Variants in PRDM9 observed in about 807,000 individuals in gnomAD.
The protein encoded by PRDM9 is histone-lysine N-methyltransferase PRDM9.
PRDM9 carries 47 observed loss-of-function variants against 55.6 expected under a neutral mutation model. That is an observed-to-expected ratio of 0.85 (90% confidence interval 0.67 to 1.08). The LOEUF is 1.08. Ranked by LOEUF, PRDM9 falls within the 50% of genes least tolerant of loss-of-function variation. The probability of loss-of-function intolerance (pLI) is 0.00; values close to 1 mark genes in which losing one functional copy is unlikely to be tolerated. For missense variants in PRDM9, 867 were observed against 1,040.3 expected, an observed-to-expected ratio of 0.83 and a Z score of 2.29; for synonymous variants, 312 against 375.7, an observed-to-expected ratio of 0.83 and a Z score of 1.96.
intron 5 of PRDM9, among the ~76,000 whole-genome samples, chr5:23,520,007 G>A (rs1739294875): frequency 6.7e-6 from 1 of 150,348 alleles, no homozygotes; most frequent in African/African-American, 2.5e-5. Flanking sequence ...TCGTGCCACT[G>A]CACTCCAGCT....
intron 8 of PRDM9, among the ~76,000 whole-genome samples, 162 bp downstream of exon 8, chr5:23,523,047 C>T (rs756497740): frequency 2.6e-5 from 4 of 152,178 alleles, no homozygotes; most frequent in Non-Finnish European, 5.9e-5. Flanking sequence ...ATTTAGAGAT[C>T]AGAGGTTACA....
Position 23,527,852 on chromosome 5 carries a change from G to A in PRDM9, c.*79G>A. On this transcript the variant is annotated 3_prime_UTR_variant, in exon 11 of 11. Transcript: ENST00000296682. ...CCACACACTTGCACACCCCAGCTGT[G>A]AGGTGGCTTCAGCGGAAGTCTGCTG... 1 of 1,577,376 alleles carries A rather than the reference G, an allele frequency of 6.3e-7. No homozygotes were observed. Among genetic ancestry groups the A allele is most frequent in the Non-Finnish European group, 8.7e-7 (1 of 1,151,886 alleles).
chr5:23,520,912 A>G, intron 5 of PRDM9, 111 bp from the exon 6 acceptor site: 2 of 1,276,072 alleles, frequency 1.6e-6, no homozygotes, highest in South Asian at 1.3e-5. Flanking sequence ...CACTCTAGGT[A>G]TTTTCAAGGT....
chr5:23,517,836 G>T, intron 4 of PRDM9, 45 bp from the exon 5 acceptor site: 1 of 1,491,660 alleles, frequency 6.7e-7, no homozygotes, highest in Non-Finnish European at 9.4e-7. Context: ...TCTAGTGTTT[G>T]GAAACATTTA....
chr5:23,526,812 C>T lies in PRDM9; in HGVS notation c.1724C>T (p.Thr575Ile), dbSNP rs201629347. 5.5e-5 allele frequency: 87 copies of T among 1,591,468 alleles called. No individual in the cohort carries two copies. The highest frequency in any genetic ancestry group is 3.3e-4 in the Middle Eastern group (2 of 5,982). Reference sequence around the variant, plus strand: ...CTCCTCATTCACCAGAGGATACACACAGGGGAGAAGCCCTATGTCTGCAGG... The same window carrying T: ...CTCCTCATTCACCAGAGGATACACATAGGGGAGAAGCCCTATGTCTGCAGG... ...SHLLIHQRIH[T>I]GEKPYVCREC... The change falls in exon 11 of 11, where the codon ACA becomes ATA. Residue 575 changes from threonine to isoleucine, a missense_variant. Around this residue, in one of 5 missense-constraint regions of PRDM9, gnomAD observed 662 missense variants for 711.9 expected, o/e 0.93. Coordinates refer to ENST00000296682, the MANE Select transcript of PRDM9 (RefSeq NM_020227.4).
chr5:23,523,207 A>C (rs145702972), intron 8 of PRDM9, 84 bp from the exon 9 acceptor site: 60 of 1,480,890 alleles, frequency 4.1e-5, no homozygotes, highest in Middle Eastern at 1.7e-4. Context: ...TGCAGGCCCA[A>C]AGGCCATTGA....
chr5:23,517,036 C>T (rs1739225034), intron 4 of PRDM9, among the ~76,000 whole-genome samples: 1 of 149,056 alleles, frequency 6.7e-6, no homozygotes, highest in Admixed American at 6.7e-5. Flanking sequence ...GCCTGTAGTC[C>T]CAGCTACTCA....
At chr5:23,522,435 C>T in intron 7 of PRDM9, 30 bp downstream of exon 7, 1 of 1,595,782 alleles carries the variant, frequency 6.3e-7, no homozygotes, top group Non-Finnish European at 8.6e-7. Flanking sequence ...ACTCACACAG[C>T]TTGCTGTTAT....
chr5:23,511,906 T>C (rs1739106433), intron 4 of PRDM9, among the ~76,000 whole-genome samples: 1 of 152,066 alleles, frequency 6.6e-6, no homozygotes, highest in Non-Finnish European at 1.5e-5. Context: ...TTGGACTGAA[T>C]GGTGATGGAT....
At chr5:23,517,416 A>G (rs1739236023) in intron 4 of PRDM9, among the ~76,000 whole-genome samples, 1 of 152,162 alleles carries the variant, frequency 6.6e-6, no homozygotes, top group Non-Finnish European at 1.5e-5. Context: ...TACTTCAGAA[A>G]ACATTTCCAA....
chr5:23,520,946 A>T (rs1388869795), intron 5 of PRDM9, 77 bp from the exon 6 acceptor site: 1 of 1,506,860 alleles, frequency 6.6e-7, no homozygotes, highest in Non-Finnish European at 9.2e-7. Flanking sequence ...AGAGTCATGC[A>T]TATGAAAACA....
Position 23,522,835 on chromosome 5 carries a change from G to A in PRDM9, c.832G>A (p.Gly278Ser). ...GGGTCTGCACTTTGGCCCTTATGAG[G>A]GCCGAATTACAGAAGACGAAGAGGC... is the stretch of plus-strand genomic sequence containing the variant. ...PLGLHFGPYEGRITEDEEAAN... is the reference protein window; with the variant it reads ...PLGLHFGPYESRITEDEEAAN... Residue 278 changes from glycine (G) to serine (S), a missense_variant, in exon 8 of 11, where the codon GGC becomes AGC. By Grantham distance (56) the Gly-to-Ser change is moderately conservative. Transcript: ENST00000296682. 1 of 1,614,218 alleles carries A rather than the reference G, an allele frequency of 6.2e-7. No homozygotes were observed. The highest frequency in any genetic ancestry group is 8.5e-7 in the Non-Finnish European group (1 of 1,180,042).
intron 5 of PRDM9, among the ~76,000 whole-genome samples, chr5:23,518,733 A>G (rs771333757): frequency 1.8e-4 from 27 of 152,252 alleles, no homozygotes; most frequent in Non-Finnish European, 3.7e-4. Flanking sequence ...TCTCATTCCT[A>G]CAGAAGGCAG....
At chr5:23,518,473 AT>A (rs1258444910) in intron 5 of PRDM9, among the ~76,000 whole-genome samples, 3 of 152,142 alleles carry the variant, frequency 2.0e-5, no homozygotes. Context: ...GTAAAGTGAG[AT>A]TTGCACTGAA....
At position 23,526,438 on chromosome 5, in the gene PRDM9, A is replaced by C. The variant is rs1739431503; in HGVS notation, c.1350A>C (p.Lys450Asn). The change falls in exon 11 of 11, where the codon AAA becomes AAC. Residue 450 changes from lysine (K) to asparagine (N), a missense_variant. By Grantham distance (94) the Lys-to-Asn change is moderately conservative. Coordinates refer to ENST00000296682, the MANE Select transcript of PRDM9 (RefSeq NM_020227.4). ...CAGATCCACACAGCCGTAATGACAA[A>C]ACCAAAGGTCAAGAGATCAAAGAAA... ...QYPDPHSRNDKTKGQEIKERS... is the reference protein window; with the variant it reads ...QYPDPHSRNDNTKGQEIKERS... 2.5e-6 allele frequency: 4 copies of C among 1,614,200 alleles called. No individual in the cohort carries two copies. The highest frequency in any genetic ancestry group is 3.4e-6 in the Non-Finnish European group (4 of 1,180,038).
rs184600328 is a variant in PRDM9 at position 23,509,091 on chromosome 5, C to T, written c.58C>T (p.Arg20Trp). The T allele has an allele frequency of 1.1e-3, 1,760 of 1,614,056 alleles. 9 individuals are homozygous for T. The highest frequency in any genetic ancestry group is 1.0e-3 in the Non-Finnish European group (1,187 of 1,179,968). The change falls in exon 2 of 11, where the codon CGG (arginine) becomes TGG (tryptophan). Residue 20 changes from arginine (R) to tryptophan (W), a missense_variant. This residue lies in a region of PRDM9 where 662 missense variants were observed against 711.9 expected (regional missense o/e 0.93). Coordinates refer to ENST00000296682, the MANE Select transcript of PRDM9 (RefSeq NM_020227.4). The part of the protein sequence containing the change: ...SPEEDTERTE[R>W]KPMVKDAFKD... The stretch of plus-strand genomic sequence containing the variant: ...AGAAGAAGACACAGAGAGAACAGAG[C>T]GGAAGCCCATGGTGAGAAGTGGAGG...
intron 5 of PRDM9, among the ~76,000 whole-genome samples, chr5:23,519,187 G>A (rs1015924258): frequency 2.6e-5 from 4 of 152,216 alleles, no homozygotes; most frequent in Non-Finnish European, 4.4e-5. Context: ...AGCCTCCTGA[G>A]TAGCTGGGAC....
At chr5:23,512,190 T>A (rs1382592848) in intron 4 of PRDM9, among the ~76,000 whole-genome samples, 1 of 152,204 alleles carries the variant, frequency 6.6e-6, no homozygotes. Context: ...CCAAAATGAA[T>A]CTACTTCTTT....
intron 10 of PRDM9, among the ~76,000 whole-genome samples, chr5:23,525,464 GC>G (rs2126433017): frequency 6.6e-6 from 1 of 152,268 alleles, no homozygotes; most frequent in South Asian, 2.1e-4. Context: ...TACTTGATGG[GC>G]AGCCTGAGAG....
Sources: gnomAD v4.1 joint callset for allele counts (sites outside exome capture counted in the v4.1 genomes callset) on GRCh38, gnomAD v4.1.1 for gene constraint, gnomAD v4.1.1 regional missense constraint, MANE v1.5 for transcripts, NCBI Gene and HGNC (gene_info 2026-07-23, HGNC 2026-07-21) for gene names.